Variants in ATAD2B observed in about 807,000 individuals in gnomAD.
The protein encoded by ATAD2B is ATPase family AAA domain containing 2B, also known as ATPase family AAA domain-containing protein 2B.
ATAD2B carries 40 observed loss-of-function variants against 167.6 expected under a neutral mutation model. The ratio of observed to expected loss-of-function variants is 0.24; its 90% CI spans 0.19 to 0.31. The LOEUF is 0.31. ATAD2B is among the 10% of genes least tolerant of loss of function. ATAD2B has a pLI of 1.00. For missense variants in ATAD2B, 1,242 were observed against 1,757.2 expected (o/e 0.71, Z 5.24); for synonymous variants, 579 against 596.5 (o/e 0.97, Z 0.43).
intron 1 of ATAD2B, among the ~76,000 whole-genome samples, chr2:23,918,202 C>A (rs935167008): frequency 8.0e-3 from 766 of 95,264 alleles, no homozygotes; most frequent in African/African-American, 0.01. Context: ...CTTGTCTCTA[C>A]AAAAAAAAAA....
At chr2:23,816,006 G>A (rs1365956131) in intron 17 of ATAD2B, among the ~76,000 whole-genome samples, 1 of 152,090 alleles carries the variant, frequency 6.6e-6, no homozygotes, top group African/African-American at 2.4e-5. Flanking sequence ...AACTACCCAG[G>A]ACAATGTCTG....
chr2:23,789,833 T>G (rs965843209), intron 19 of ATAD2B, among the ~76,000 whole-genome samples: 16 of 152,148 alleles, frequency 1.1e-4, no homozygotes, highest in African/African-American at 3.6e-4. Flanking sequence ...AACTGGGGCT[T>G]AGAAAGATTT....
the ATAD2B span, among the ~76,000 whole-genome samples, chr2:23,714,569 T>C: frequency 6.7e-6 from 1 of 149,326 alleles, no homozygotes; most frequent in Non-Finnish European, 1.5e-5. Context: ...AAAATCAATA[T>C]AGGGGCCAGG....
chr2:23,830,345 A>C (rs1270167088), intron 14 of ATAD2B, among the ~76,000 whole-genome samples: 1 of 152,186 alleles, frequency 6.6e-6, no homozygotes, highest in African/African-American at 2.4e-5. Flanking sequence ...GATACTATCC[A>C]CCACCAACGG....
chr2:23,917,727 A>G (rs1021343074), intron 1 of ATAD2B, among the ~76,000 whole-genome samples: 8 of 151,940 alleles, frequency 5.3e-5, no homozygotes, highest in African/African-American at 1.7e-4. Context: ...AGTAGTTCAA[A>G]ACCAGCCTGG....
At chr2:23,759,635 T>A (rs1676404571) in intron 24 of ATAD2B, among the ~76,000 whole-genome samples, 2 of 152,218 alleles carry the variant, frequency 1.3e-5, no homozygotes, top group Non-Finnish European at 2.9e-5. Context: ...GGTTATTGAG[T>A]CATTTGGCTC....
Position 23,866,602 on chromosome 2 carries a change from A to T in ATAD2B, c.1188+1233T>A, listed in dbSNP as rs1337562552. Among the ~76,000 whole-genome samples, 3 of 152,300 alleles carry T rather than the reference A, an allele frequency of 2.0e-5. No homozygotes were observed. The East Asian group carries it at 5.8e-4, about 29-fold the overall frequency. ...CTGGTAAGCCAAATAAGCAAAGATC[A>T]TTAGGTAAGGTCTTCTGAGAAGGTG... On this transcript the variant is annotated intron_variant, in intron 10 of 27. Coordinates refer to ENST00000238789, the MANE Select transcript of ATAD2B (RefSeq NM_017552.4).
chr2:23,880,845 T>A lies in ATAD2B; in HGVS notation c.785-90A>T, dbSNP rs555496266. On this transcript the variant is annotated intron_variant, in intron 6 of 27. Coordinates refer to ENST00000238789, the MANE Select transcript of ATAD2B (RefSeq NM_017552.4). ...TCTAGAACTGAATATTTACACTTTATCCATTACTCTTTCTGCACAGGTGAC... is the reference window on the plus strand; with the variant it reads ...TCTAGAACTGAATATTTACACTTTAACCATTACTCTTTCTGCACAGGTGAC... 6.6e-6 allele frequency: 5 copies of A among 754,110 alleles called. No homozygotes were observed. The African/African-American group carries it at 7.1e-5, about 11-fold the overall frequency. The allele number at this position is 754,110 out of a possible 1,614,324, so 46.7% of individuals were successfully genotyped here.
chr2:23,695,182 G>A, the ATAD2B span, among the ~76,000 whole-genome samples: 6 of 152,050 alleles, frequency 3.9e-5, no homozygotes, highest in East Asian at 1.9e-4. The surrounding 1 kb of genome is among the most constrained non-coding windows in gnomAD (Gnocchi z 7.6). Context: ...CTCAATAGTC[G>A]CCATCTCCTT....
chr2:23,923,649 C>CA (rs200804427), intron 1 of ATAD2B, among the ~76,000 whole-genome samples: 17,631 of 117,648 alleles, frequency 0.15, 1,122 homozygotes, highest in Middle Eastern at 0.26. Context: ...TTTTACATGT[C>CA]AAAAAAAAAA....
At chr2:23,855,486 G>A (rs543520450) in intron 13 of ATAD2B, among the ~76,000 whole-genome samples, 137 of 152,238 alleles carry the variant, frequency 9.0e-4, no homozygotes, top group African/African-American at 2.9e-3. Flanking sequence ...ATTATCATAC[G>A]TTATAGGAAA....
intron 6 of ATAD2B, among the ~76,000 whole-genome samples, chr2:23,884,275 A>G (rs1341858802): frequency 6.6e-6 from 1 of 152,190 alleles, no homozygotes; most frequent in Non-Finnish European, 1.5e-5. Flanking sequence ...TGGGTTCTTC[A>G]GTTCAGAACC....
chr2:23,783,774 T>C (rs552042212), intron 21 of ATAD2B, among the ~76,000 whole-genome samples: 2 of 152,092 alleles, frequency 1.3e-5, no homozygotes, highest in Non-Finnish European at 2.9e-5. Flanking sequence ...CCTTCCCCAA[T>C]GCAAATCTCA....
At chr2:23,920,988 T>C (rs1487759402) in intron 1 of ATAD2B, among the ~76,000 whole-genome samples, 1 of 152,052 alleles carries the variant, frequency 6.6e-6, no homozygotes, top group Non-Finnish European at 1.5e-5. Context: ...GCGGGTCGCC[T>C]GAGGTCAGGA....
intron 18 of ATAD2B, among the ~76,000 whole-genome samples, chr2:23,805,125 A>G (rs868554487): frequency 2.6e-5 from 4 of 151,992 alleles, no homozygotes; most frequent in Non-Finnish European, 4.4e-5. Context: ...CCTGGACAAC[A>G]AGAGCAAAAC....
At chr2:23,883,154 C>CT (rs1698198847) in intron 6 of ATAD2B, among the ~76,000 whole-genome samples, 1 of 151,754 alleles carries the variant, frequency 6.6e-6, no homozygotes, top group South Asian at 2.1e-4. Flanking sequence ...ATGGCATGTG[C>CT]TTATGGTCCC....
chr2:23,824,136 T>A (rs1450572026), intron 15 of ATAD2B, among the ~76,000 whole-genome samples: 1 of 152,126 alleles, frequency 6.6e-6, no homozygotes, highest in Non-Finnish European at 1.5e-5. Flanking sequence ...TTCTTTTATT[T>A]ATTTTTGTAG....
chr2:23,699,200 C>G, the ATAD2B span, among the ~76,000 whole-genome samples: 1 of 152,218 alleles, frequency 6.6e-6, no homozygotes, highest in Non-Finnish European at 1.5e-5. Flanking sequence ...GCTTCCTGGG[C>G]TCTGGGCTGT....
chr2:23,802,352 T>C (rs1307377100), intron 18 of ATAD2B, among the ~76,000 whole-genome samples: 3 of 152,072 alleles, frequency 2.0e-5, no homozygotes, highest in African/African-American at 7.2e-5. Context: ...ATTCCCTTCA[T>C]ATAAGATTTA....
Sources: gnomAD v4.1 joint callset for allele counts (sites outside exome capture counted in the v4.1 genomes callset) on GRCh38, gnomAD v4.1.1 for gene constraint, Gnocchi (gnomAD v3.1) non-coding constraint, MANE v1.5 for transcripts, NCBI Gene and HGNC (gene_info 2026-07-23, HGNC 2026-07-21) for gene names.